The following COL15A1 variants were observed in gnomAD, a reference collection of about 807,000 sequenced individuals.
The protein encoded by COL15A1 is collagen alpha-1(XV) chain.
In COL15A1, 111 loss-of-function variants were observed where a neutral mutation model predicts 165.9. The ratio of observed to expected loss-of-function variants is 0.67; its 90% CI spans 0.57 to 0.78. The LOEUF (loss-of-function observed/expected upper bound fraction) is 0.78, where lower values mean the gene tolerates loss of function less well. COL15A1 is among the 30% of genes least tolerant of loss of function. The probability of loss-of-function intolerance (pLI) is 0.00; values close to 1 mark genes in which losing one functional copy is unlikely to be tolerated. For synonymous variants in COL15A1, 659 were observed against 674.8 expected (o/e 0.98, Z 0.36); for missense variants, 1,745 against 1,789.7 (o/e 0.98, Z 0.45).
intron 2 of COL15A1, among the ~76,000 whole-genome samples, chr9:98,971,615 AG>A (rs765913788): frequency 1.3e-5 from 2 of 152,188 alleles, no homozygotes; most frequent in Non-Finnish European, 2.9e-5. Flanking sequence ...GGTTGAGGGA[AG>A]GGGGTAAAGG....
In COL15A1 at chr9:98,985,779, C is replaced by T. The variant is rs773097539; in HGVS notation, c.315C>T (p.Gly105=). The T allele has an allele frequency of 8.7e-6, 14 of 1,613,894 alleles. No homozygotes were observed. The East Asian group carries it at 1.1e-4, about 13-fold the overall frequency. Residue 105 remains glycine, a synonymous_variant, in exon 3 of 42, where the codon GGC becomes GGT. Transcript: ENST00000375001. Reference sequence around the variant, plus strand: ...TGAAGCCCAGCAGCACCCGTGGTGGCGTGCTCTTCGCCATCACTGACGCCT... The same window carrying T: ...TGAAGCCCAGCAGCACCCGTGGTGGTGTGCTCTTCGCCATCACTGACGCCT... The part of the protein sequence containing the change: ...VVVKPSSTRG[G]VLFAITDAFQ...
chr9:99,048,692 C>A (rs190661760), intron 28 of COL15A1, among the ~76,000 whole-genome samples: 2 of 114,174 alleles, frequency 1.8e-5, no homozygotes, highest in African/African-American at 6.7e-5. Context: ...TCCCTCCCCC[C>A]TCCCCCCACC....
In COL15A1 at chr9:99,040,625, A is replaced by C. The variant is rs1055662642; in HGVS notation, c.2511+69A>C. On this transcript the variant is annotated intron_variant, in intron 23 of 41. Coordinates refer to ENST00000375001, the MANE Select transcript of COL15A1 (RefSeq NM_001855.5). Reference sequence around the variant, plus strand: ...CGATCATTCTGTTCCTTCCACCTAGAATGGCATTTCCTCCATCTATGCATG... The same window carrying C: ...CGATCATTCTGTTCCTTCCACCTAGCATGGCATTTCCTCCATCTATGCATG... The C allele has an allele frequency of 4.3e-6, 7 of 1,613,712 alleles. No homozygotes were observed. The Admixed American group carries it at 1.2e-4, about 27-fold the overall frequency.
chr9:98,999,361 G>T (rs989755801), intron 6 of COL15A1, among the ~76,000 whole-genome samples: 1 of 152,086 alleles, frequency 6.6e-6, no homozygotes, highest in African/African-American at 2.4e-5. Flanking sequence ...CCCCAACCAG[G>T]ATCTGCCCAC....
intron 9 of COL15A1, among the ~76,000 whole-genome samples, chr9:99,009,302 A>G (rs186985710): frequency 3.9e-5 from 6 of 152,396 alleles, no homozygotes; most frequent in Admixed American, 3.9e-4. Flanking sequence ...GCAATTTTAC[A>G]TAATAATTAC....
chr9:99,033,058 T>G (rs950235977), intron 16 of COL15A1, among the ~76,000 whole-genome samples: 4 of 152,260 alleles, frequency 2.6e-5, no homozygotes, highest in Non-Finnish European at 5.9e-5. Context: ...CTCACAGTAT[T>G]GCCTTGCCTC....
At position 99,015,932 on chromosome 9, in the gene COL15A1, A is replaced by G. The variant is rs993005777; in HGVS notation, c.1504-44A>G. Reference sequence around the variant, plus strand: ...ACTGTTACAACTCCCTGGCAGCCTCATGAGCGAGGTGAGGTGGTGCCTTAA... The same window carrying G: ...ACTGTTACAACTCCCTGGCAGCCTCGTGAGCGAGGTGAGGTGGTGCCTTAA... On this transcript the variant is annotated intron_variant, in intron 10 of 41. Coordinates refer to ENST00000375001, the MANE Select transcript of COL15A1 (RefSeq NM_001855.5). 6 of 1,600,800 alleles carry G rather than the reference A, an allele frequency of 3.7e-6. No homozygotes were observed. The African/African-American group carries it at 4.0e-5, about 11-fold the overall frequency.
chr9:98,991,419 T>C (rs1181990683), intron 5 of COL15A1, among the ~76,000 whole-genome samples: 1 of 152,228 alleles, frequency 6.6e-6, no homozygotes, highest in Non-Finnish European at 1.5e-5. Context: ...AGAGTGCTGA[T>C]TGGTGCATTT....
rs1419559970 is a variant in COL15A1, at chr9:99,047,959, G to A, written c.2752G>A (p.Gly918Ser). The A allele has an allele frequency of 6.2e-7, 1 of 1,606,958 alleles. No individual in the cohort carries two copies. Among genetic ancestry groups the A allele is most frequent in the East Asian group, 2.2e-5 (1 of 44,776 alleles). ...PGRPGRPGLNGLKGTKGDPGV... is the reference protein window; with the variant it reads ...PGRPGRPGLNSLKGTKGDPGV... The stretch of plus-strand genomic sequence containing the variant: ...GTTCCAGGGTCGCCCAGGACTGAAT[G>A]GCCTCAAGGGTACCAAAGGAGATCC... The change falls in exon 28 of 42, where the codon GGC becomes AGC. Residue 918 changes from glycine (G) to serine (S), a missense_variant. By Grantham distance (56) the Gly-to-Ser change is moderately conservative. Transcript: ENST00000375001.
intron 11 of COL15A1, among the ~76,000 whole-genome samples, chr9:99,019,519 G>A (rs1838992437): frequency 6.6e-6 from 1 of 151,826 alleles, no homozygotes; most frequent in Non-Finnish European, 1.5e-5. Context: ...CCGTCCTCTA[G>A]GATCAGTATT....
intron 2 of COL15A1, among the ~76,000 whole-genome samples, chr9:98,977,896 C>A (rs2118860429): frequency 6.6e-6 from 1 of 152,326 alleles, no homozygotes; most frequent in East Asian, 1.9e-4. Context: ...TGGTAAAGGG[C>A]AAAGGAGGGG....
chr9:99,062,098 A>C lies in COL15A1; in HGVS notation c.3530A>C (p.Gln1177Pro), dbSNP rs1254965052. The change falls in exon 37 of 42, where the codon CAG becomes CCG. Residue 1177 changes from glutamine to proline, a missense_variant and splice_region_variant. Gln to Pro is a moderately conservative substitution (Grantham distance 76). Transcript: ENST00000375001. ...IRVRDGWKKL[Q>P]LGELIPIPAD... ...GTTAGAGATGGCTGGAAAAAATTACAGGTAATTTCTAAACTTCCTTTAACA... is the reference window on the plus strand; with the variant it reads ...GTTAGAGATGGCTGGAAAAAATTACCGGTAATTTCTAAACTTCCTTTAACA... The C allele has an allele frequency of 1.9e-6, 3 of 1,613,862 alleles. No homozygotes were observed. The highest frequency in any genetic ancestry group is 2.5e-6 in the Non-Finnish European group (3 of 1,179,946).
At chr9:98,947,082 A>G (rs1285060933) in intron 2 of COL15A1, among the ~76,000 whole-genome samples, 2 of 152,236 alleles carry the variant, frequency 1.3e-5, no homozygotes, top group African/African-American at 4.8e-5. Context: ...ATGGCCACCC[A>G]AAAACTCATA....
At chr9:98,973,120 G>T (rs930805531) in intron 2 of COL15A1, among the ~76,000 whole-genome samples, 3 of 152,220 alleles carry the variant, frequency 2.0e-5, no homozygotes, top group African/African-American at 7.2e-5. Flanking sequence ...GTGCTTTTCA[G>T]CTGCTGGCCA....
At chr9:98,949,410 G>A (rs1204227419) in intron 2 of COL15A1, among the ~76,000 whole-genome samples, 4 of 152,318 alleles carry the variant, frequency 2.6e-5, no homozygotes, top group Admixed American at 1.3e-4. Flanking sequence ...TACGAGTGGA[G>A]TGCTGAATCA....
chr9:99,047,930 G>C lies in COL15A1; in HGVS notation c.2734-11G>C, dbSNP rs1436438073. 6.2e-7 allele frequency: 1 copy of C among 1,610,460 alleles called. No homozygotes were observed. Among genetic ancestry groups the C allele is most frequent in the Non-Finnish European group, 8.5e-7 (1 of 1,176,804 alleles). Reference sequence around the variant, plus strand: ...CGGAGGGTTTACTGAGGTGTCTGCTGTGGGTTCCAGGGTCGCCCAGGACTG... The same window carrying C: ...CGGAGGGTTTACTGAGGTGTCTGCTCTGGGTTCCAGGGTCGCCCAGGACTG... On this transcript the variant is annotated splice_polypyrimidine_tract_variant and intron_variant, in intron 27 of 41. Transcript: ENST00000375001.
At chr9:99,052,512 G>A (rs1165897825) in intron 31 of COL15A1, 79 bp downstream of exon 31, 21 of 1,184,924 alleles carry the variant, frequency 1.8e-5, no homozygotes, top group African/African-American at 6.0e-5. Context: ...CCAGTGCAGG[G>A]CGCAGACTAG....
In COL15A1 at chr9:98,986,055, G is replaced by A. The variant is rs1416020158; in HGVS notation, c.591G>A (p.Glu197=). 7 of 1,613,910 alleles carry A rather than the reference G, an allele frequency of 4.3e-6. No individual in the cohort carries two copies. The change falls in exon 3 of 42, where the codon GAG becomes GAA. Residue 197 remains glutamate, a synonymous_variant. Coordinates refer to ENST00000375001, the MANE Select transcript of COL15A1 (RefSeq NM_001855.5). ...FQRSSQALAF[E]SSAGIFMGNA... ...GGTCCTCCCAGGCTTTGGCTTTTGA[G>A]TCCAGCGCTGGAATCTTCATGGGCA...
intron 2 of COL15A1, among the ~76,000 whole-genome samples, chr9:98,960,552 A>C (rs1837849621): frequency 6.6e-6 from 1 of 152,180 alleles, no homozygotes; most frequent in Non-Finnish European, 1.5e-5. Flanking sequence ...TGTGTGTGGC[A>C]CTCAAGTGTA....
Sources: allele counts gnomAD v4.1 joint callset (sites outside exome capture counted in the v4.1 genomes callset), GRCh38; gene constraint gnomAD v4.1.1; transcripts MANE v1.5; gene names NCBI Gene and HGNC (gene_info 2026-07-23, HGNC 2026-07-21).